ISLR2: variants seen among roughly 807,000 people sequenced by gnomAD.
ISLR2 encodes immunoglobulin superfamily containing leucine-rich repeat protein 2.
ISLR2 carries 16 observed loss-of-function variants against 25.5 expected under a neutral mutation model. The observed-to-expected ratio is 0.63, with a 90% CI of 0.43 to 0.95. ISLR2 has a LOEUF of 0.95. Ranked by LOEUF, ISLR2 falls within the 40% of genes least tolerant of loss-of-function variation. The pLI, the probability that ISLR2 is intolerant of heterozygous loss-of-function variation, is 0.00. For synonymous variants in ISLR2, 508 were observed against 486.6 expected (o/e 1.04, Z -0.58); for missense variants, 883 against 1,030.7 (o/e 0.86, Z 1.96).
chr15:74,122,979 T>C (rs1200864745), intron 2 of ISLR2, among the ~76,000 whole-genome samples: 1 of 152,122 alleles, frequency 6.6e-6, no homozygotes, highest in Non-Finnish European at 1.5e-5. Context: ...CCCCACGGAA[T>C]GGAGGACTGA....
chr15:74,140,955 A>C (rs1259233535), downstream of ISLR2, among the ~76,000 whole-genome samples: 1 of 152,246 alleles, frequency 6.6e-6, no homozygotes, highest in Non-Finnish European at 1.5e-5. Context: ...CATTTTGTTC[A>C]AAATATGACC....
At chr15:74,104,512 G>A (rs1284309649) in intron 2 of ISLR2, among the ~76,000 whole-genome samples, 10 of 152,226 alleles carry the variant, frequency 6.6e-5, no homozygotes, top group Non-Finnish European at 1.2e-4. Context: ...GGGCTGCATG[G>A]TGGCTCATGC....
rs2141963888 is a variant in ISLR2 at position 74,135,044 on chromosome 15, G to A, written c.*52G>A. 1 of 1,580,930 alleles carries A rather than the reference G, an allele frequency of 6.3e-7. No homozygotes were observed. Among genetic ancestry groups the A allele is most frequent in the South Asian group, 1.2e-5 (1 of 85,414 alleles). On this transcript the variant is annotated 3_prime_UTR_variant, in exon 3 of 3. Transcript: ENST00000453268. ...CCCGACCTCCACCTAGGGTGCCTGG[G>A]AGCAGCAGTCTAGGGCTGGCAGGAC... is the stretch of plus-strand genomic sequence containing the variant.
intron 2 of ISLR2, among the ~76,000 whole-genome samples, chr15:74,121,840 C>G (rs1215579859): frequency 6.6e-6 from 1 of 152,218 alleles, no homozygotes; most frequent in Admixed American, 6.5e-5. Flanking sequence ...CCCCAGCCAG[C>G]TGCCTGATGA....
upstream of ISLR2, chr15:74,128,136 C>A (rs2072324231): frequency 6.6e-6 from 2 of 300,930 alleles, no homozygotes; most frequent in African/African-American, 4.6e-5. Flanking sequence ...ATTAGACCCG[C>A]TTCTGCGCGC....
At chr15:74,138,462 G>A (rs1300101280), downstream of ISLR2, 2 of 152,478 alleles carry the variant, frequency 1.3e-5, no homozygotes, top group Non-Finnish European at 2.9e-5. Context: ...ACTTAGCTGT[G>A]GAGAAGTCCT....
rs149069952 is a variant in ISLR2 at position 74,102,651 on chromosome 15, G to A, written n.160-1195G>A. 6.9e-3 allele frequency among the ~76,000 whole-genome samples: 1,053 copies of A among 151,976 alleles called. 10 individuals carry two copies. Among genetic ancestry groups the A allele is most frequent in the Middle Eastern group, 0.02 (6 of 294 alleles). On this transcript the variant is annotated intron_variant and non_coding_transcript_variant, in intron 1 of 3. Coordinates refer to the ISLR2 transcript ENST00000561975. ...CATGTCTGTGTTCCCAGGTGACACT[G>A]GTGCTTCCAATTTGAGACCATGGTT...
Position 74,133,113 on chromosome 15 carries a change from G to T in ISLR2, c.359G>T (p.Arg120Leu), listed in dbSNP as rs750418579. The stretch of plus-strand genomic sequence containing the variant: ...TCCAGCTTTCCGTGGAGCGACCTGC[G>T]CAACCTGAGCGCGCTGCAGCTGCTC... The part of the protein sequence containing the change: ...FISSFPWSDL[R>L]NLSALQLLKM... The change falls in exon 3 of 3, where the codon CGC (arginine) becomes CTC (leucine). Residue 120 changes from arginine (R) to leucine (L), a missense_variant. Physicochemically the swap from Arg to Leu is moderately radical, Grantham distance 102 (BLOSUM62 -2). Around this residue, in one of 2 missense-constraint regions of ISLR2, gnomAD observed 271 missense variants for 387.9 expected, o/e 0.70. Coordinates refer to ENST00000453268, the MANE Select transcript of ISLR2 (RefSeq NM_020851.3). 1.2e-6 allele frequency: 2 copies of T among 1,612,702 alleles called. No individual in the cohort carries two copies. The highest frequency in any genetic ancestry group is 1.7e-6 in the Non-Finnish European group (2 of 1,179,990).
rs1313268173 is a variant in ISLR2, at chr15:74,135,183, C to G, written c.*191C>G. On this transcript the variant is annotated 3_prime_UTR_variant, in exon 3 of 3. Transcript: ENST00000453268. ...CGATTTCACCAGTCCCTGCTACCCA[C>G]GGCTGCCATTCTCCCTGCGGGCTGA... is the stretch of plus-strand genomic sequence containing the variant. The G allele has an allele frequency of 2.4e-5, 16 of 663,998 alleles. No homozygotes were observed. Among genetic ancestry groups the G allele is most frequent in the Non-Finnish European group, 4.2e-5 (16 of 384,526 alleles). The allele number at this position is 663,998 out of a possible 1,614,324, so 41.1% of individuals were successfully genotyped here.
At chr15:74,117,323 G>A (rs951038685) in intron 2 of ISLR2, among the ~76,000 whole-genome samples, 4 of 152,176 alleles carry the variant, frequency 2.6e-5, no homozygotes, top group African/African-American at 9.7e-5. Context: ...TGAAAACTGG[G>A]TAGGAAATTG....
chr15:74,102,775 A>G (rs1310387820), intron 1 of ISLR2, among the ~76,000 whole-genome samples: 1 of 151,918 alleles, frequency 6.6e-6, no homozygotes, highest in Non-Finnish European at 1.5e-5. Flanking sequence ...TACAGTAGAA[A>G]AGATAACTCC....
At chr15:74,112,936 T>C (rs2072180893) in intron 2 of ISLR2, among the ~76,000 whole-genome samples, 1 of 151,130 alleles carries the variant, frequency 6.6e-6, no homozygotes, top group African/African-American at 2.4e-5. Context: ...CAAGCCATCC[T>C]TCCACCTCAG....
Position 74,135,035 on chromosome 15 carries a change from G to C in ISLR2, c.*43G>C. The C allele has an allele frequency of 6.3e-7, 1 of 1,588,562 alleles. No individual in the cohort carries two copies. On this transcript the variant is annotated 3_prime_UTR_variant, in exon 3 of 3. Coordinates refer to ENST00000453268, the MANE Select transcript of ISLR2 (RefSeq NM_020851.3). ...CCGCCCATTCCCGACCTCCACCTAG[G>C]GTGCCTGGGAGCAGCAGTCTAGGGC... is the stretch of plus-strand genomic sequence containing the variant.
upstream of ISLR2, chr15:74,129,187 G>T: frequency 2.6e-6 from 1 of 381,642 alleles, no homozygotes; most frequent in Admixed American, 3.2e-5. This position sits in a 1 kb window ranked among gnomAD's most constrained non-coding sequence, Gnocchi z 4.5. Flanking sequence ...CAGCCCGCTG[G>T]GCCGCCCGTA....
At chr15:74,106,866 G>C (rs530066754) in intron 2 of ISLR2, among the ~76,000 whole-genome samples, 1 of 152,198 alleles carries the variant, frequency 6.6e-6, no homozygotes, top group East Asian at 1.9e-4. Flanking sequence ...ACTTCTACGG[G>C]GCCCACCACA....
Position 74,133,243 on chromosome 15 carries a change from G to A in ISLR2, c.489G>A (p.Ala163=), listed in dbSNP as rs374687804. The A allele has an allele frequency of 5.0e-6, 8 of 1,612,218 alleles. No individual in the cohort carries two copies. The African/African-American group carries it at 9.3e-5, about 19-fold the overall frequency. Residue 163 remains alanine (A), a synonymous_variant, in exon 3 of 3, where the codon GCG becomes GCA. Coordinates refer to ENST00000453268, the MANE Select transcript of ISLR2 (RefSeq NM_020851.3). ...RINNNRLRTL[A]PGTFDALSAL... The stretch of plus-strand genomic sequence containing the variant: ...ACAACAACCGGCTGCGTACGCTGGC[G>A]CCTGGCACCTTCGACGCGCTTAGCG...
Position 74,133,469 on chromosome 15 carries a change from G to A in ISLR2, c.715G>A (p.Ala239Thr), listed in dbSNP as rs141581438. The A allele has an allele frequency of 5.8e-5, 93 of 1,612,524 alleles. No homozygotes were observed. The African/African-American group carries it at 9.7e-4, about 17-fold the overall frequency. Residue 239 changes from alanine (A) to threonine (T), a missense_variant, in exon 3 of 3, where the codon GCC becomes ACC. By Grantham distance (58) the Ala-to-Thr change is moderately conservative. Around this residue, in one of 2 missense-constraint regions of ISLR2, gnomAD observed 271 missense variants for 387.9 expected, o/e 0.70. Coordinates refer to ENST00000453268, the MANE Select transcript of ISLR2 (RefSeq NM_020851.3). Reference protein sequence around the residue: ...PCAPPSVHLSAEPPLEAPGTP... With the variant: ...PCAPPSVHLSTEPPLEAPGTP... Reference sequence around the variant, plus strand: ...TGCACCGCCCAGCGTGCATCTGAGTGCCGAGCCACCGCTTGAAGCACCCGG... The same window carrying A: ...TGCACCGCCCAGCGTGCATCTGAGTACCGAGCCACCGCTTGAAGCACCCGG...
intron 2 of ISLR2, among the ~76,000 whole-genome samples, chr15:74,107,278 C>A (rs2072128285): frequency 1.3e-5 from 2 of 152,336 alleles, no homozygotes; most frequent in Middle Eastern, 3.4e-3. Context: ...ACACCAGATC[C>A]CAGGAACTGA....
chr15:74,121,427 C>A (rs1194301563), intron 2 of ISLR2, among the ~76,000 whole-genome samples: 1 of 152,068 alleles, frequency 6.6e-6, no homozygotes, highest in Non-Finnish European at 1.5e-5. Context: ...TTGAAGAGGA[C>A]ACAGAAGAGG....
Sources: gnomAD v4.1 joint callset for allele counts (sites outside exome capture counted in the v4.1 genomes callset) on GRCh38, gnomAD v4.1.1 for gene constraint, gnomAD v4.1.1 regional missense constraint, Gnocchi (gnomAD v3.1) non-coding constraint, MANE v1.5 for transcripts, NCBI Gene and HGNC (gene_info 2026-07-23, HGNC 2026-07-21) for gene names.